The following ARHGAP8 variants were observed in gnomAD, a reference collection of about 807,000 sequenced individuals.
ARHGAP8 encodes Rho GTPase activating protein 8.
Under a neutral mutation model 46.1 loss-of-function variants are expected in ARHGAP8, and 62 were observed. The observed-to-expected ratio is 1.34, with a 90% CI of 1.10 to 1.66. The LOEUF (loss-of-function observed/expected upper bound fraction) is 1.66. ARHGAP8 is among the 40% of genes most tolerant of loss of function. The pLI, the probability that ARHGAP8 is intolerant of heterozygous loss-of-function variation, is 0.00. For synonymous variants in ARHGAP8, 375 were observed against 243.1 expected, an observed-to-expected ratio of 1.54 and a Z score of -5.05; for missense variants, 923 against 568.4, an observed-to-expected ratio of 1.62 and a Z score of -6.34.
chr22:44,755,403 C>T (rs1004422620), intron 1 of ARHGAP8, among the ~76,000 whole-genome samples: 2 of 152,236 alleles, frequency 1.3e-5, no homozygotes, highest in Non-Finnish European at 2.9e-5. Flanking sequence ...AGAAAATAGA[C>T]GTTTTCCATT....
At chr22:44,772,480 G>A (rs1388056123) in intron 1 of ARHGAP8, among the ~76,000 whole-genome samples, 7 of 150,716 alleles carry the variant, frequency 4.6e-5, no homozygotes, top group East Asian at 2.0e-4. Context: ...ATGAGCCACC[G>A]TGCTGGCTGA....
At chr22:44,815,386 G>A (rs1380588562) in intron 5 of ARHGAP8, among the ~76,000 whole-genome samples, 1 of 151,438 alleles carries the variant, frequency 6.6e-6, no homozygotes, top group Non-Finnish European at 1.5e-5. Context: ...CCTGAGATGA[G>A]ACAAATAAAA....
chr22:44,816,206 C>G (rs1034052942), intron 5 of ARHGAP8, among the ~76,000 whole-genome samples: 4 of 152,130 alleles, frequency 2.6e-5, no homozygotes, highest in African/African-American at 9.7e-5. Flanking sequence ...TCTTCTCGTG[C>G]CCCACAGACA....
Position 44,794,037 on chromosome 22 carries a change from CG to C in ARHGAP8, c.79+7432del, listed in dbSNP as rs111677334. ...GGGGCATGCGCAGGGCAGAGGAAGG[CG>C]CGGAGGCTTGGCTGGGAGTCAGCCT... On this transcript the variant is annotated intron_variant, in intron 2 of 11. Coordinates refer to ENST00000356099, the MANE Select transcript of ARHGAP8 (RefSeq NM_181335.3). Among the ~76,000 whole-genome samples the C allele has an allele frequency of 4.9e-4, 74 of 152,284 alleles. 2 individuals are homozygous for C. Among genetic ancestry groups the C allele is most frequent in the African/African-American group, 1.7e-3 (71 of 41,566 alleles).
chr22:44,771,368 TC>T (rs1158799522), intron 1 of ARHGAP8, among the ~76,000 whole-genome samples: 1 of 148,504 alleles, frequency 6.7e-6, no homozygotes, highest in Non-Finnish European at 1.5e-5. Flanking sequence ...TGCCTCAGCC[TC>T]CCAAGTAGCT....
chr22:44,857,972 C>T (rs1200101007), intron 10 of ARHGAP8, among the ~76,000 whole-genome samples: 1 of 152,054 alleles, frequency 6.6e-6, no homozygotes, highest in Non-Finnish European at 1.5e-5. Flanking sequence ...TGCACCAGTA[C>T]CCACTTGGGA....
At chr22:44,813,815 TTACA>T (rs1929543048) in intron 4 of ARHGAP8, among the ~76,000 whole-genome samples, 1 of 151,864 alleles carries the variant, frequency 6.6e-6, no homozygotes, top group South Asian at 2.1e-4. Flanking sequence ...TTACATACAC[TTACA>T]TAGAGCTACA....
At chr22:44,827,408 G>A (rs1426314799) in intron 7 of ARHGAP8, among the ~76,000 whole-genome samples, 2 of 134,918 alleles carry the variant, frequency 1.5e-5, no homozygotes, top group African/African-American at 5.5e-5. Flanking sequence ...GGTGGTGTGA[G>A]CTCAGCTCAC....
rs373044680 is a variant in ARHGAP8 at position 44,794,347 on chromosome 22, G to T, written c.80-7730G>T. On this transcript the variant is annotated intron_variant, in intron 2 of 11. Transcript: ENST00000356099. ...CGCCAGCCCAGCTCAGCCAGGGATT[G>T]GGCAGAGGAAGAGATTCTACCCTGG... is the stretch of plus-strand genomic sequence containing the variant. Among the ~76,000 whole-genome samples the T allele has an allele frequency of 1.1e-4, 16 of 152,300 alleles. No individual in the cohort carries two copies. In the South Asian group the frequency reaches 2.9e-3, roughly 28 times the overall value.
chr22:44,817,431 C>G (rs1011897964), intron 5 of ARHGAP8, among the ~76,000 whole-genome samples: 13 of 152,230 alleles, frequency 8.5e-5, no homozygotes, highest in Admixed American at 3.9e-4. Context: ...TTTAACCAGG[C>G]CCAGCACCCT....
chr22:44,779,755 G>A (rs1926705150), intron 1 of ARHGAP8, among the ~76,000 whole-genome samples: 1 of 151,862 alleles, frequency 6.6e-6, no homozygotes, highest in Admixed American at 6.6e-5. Flanking sequence ...TTTTAGTAGA[G>A]ATGGGGTTTC....
intron 11 of ARHGAP8, 33 bp from the exon 12 acceptor site, chr22:44,862,242 C>A: frequency 6.4e-7 from 1 of 1,557,298 alleles, no homozygotes; most frequent in South Asian, 1.2e-5. Flanking sequence ...CCTTGGTGTT[C>A]ACTCCCCTTT....
intron 10 of ARHGAP8, among the ~76,000 whole-genome samples, chr22:44,855,408 C>T (rs1180317785): frequency 6.6e-6 from 1 of 151,186 alleles, no homozygotes; most frequent in Non-Finnish European, 1.5e-5. Flanking sequence ...CAAGTGATCT[C>T]CCCACCTCAG....
At chr22:44,852,647 A>C (rs1474698889) in intron 10 of ARHGAP8, among the ~76,000 whole-genome samples, 1 of 152,222 alleles carries the variant, frequency 6.6e-6, no homozygotes, top group Non-Finnish European at 1.5e-5. Context: ...CTCCAGGGAA[A>C]GAGTTGTGTC....
chr22:44,860,550 C>T (rs200946878), intron 11 of ARHGAP8, among the ~76,000 whole-genome samples: 2 of 151,624 alleles, frequency 1.3e-5, no homozygotes, highest in East Asian at 1.9e-4. Context: ...TTGAGATCCT[C>T]AACGACAGCT....
At position 44,862,756 on chromosome 22, in the gene ARHGAP8, T is replaced by A; in HGVS notation, c.*161T>A. 1.1e-6 allele frequency: 1 copy of A among 876,956 alleles called. No homozygotes were observed. The highest frequency in any genetic ancestry group is 1.7e-6 in the Non-Finnish European group (1 of 605,484). The allele number at this position is 876,956 out of a possible 1,614,324, so 54.3% of individuals were successfully genotyped here. On this transcript the variant is annotated 3_prime_UTR_variant, in exon 12 of 12. Coordinates refer to ENST00000356099, the MANE Select transcript of ARHGAP8 (RefSeq NM_181335.3). ...CTGGTCCTTGGACTCTTGTCCATGG[T>A]TCCTGAGCTGTGGACCGGGATAGAA...
At chr22:44,856,191 A>T (rs1374960764) in intron 10 of ARHGAP8, among the ~76,000 whole-genome samples, 1 of 150,590 alleles carries the variant, frequency 6.6e-6, no homozygotes, top group Non-Finnish European at 1.5e-5. Flanking sequence ...TGAGGTTTAC[A>T]GGCAACATCA....
At chr22:44,787,616 A>AT (rs144484827) in intron 2 of ARHGAP8, among the ~76,000 whole-genome samples, 1 of 152,148 alleles carries the variant, frequency 6.6e-6, no homozygotes, top group Non-Finnish European at 1.5e-5. Context: ...GAATGCTGGG[A>AT]TTATAGGCGT....
In ARHGAP8 at chr22:44,859,753, C is replaced by T. The variant is rs1177682823; in HGVS notation, c.900C>T (p.Val300=). The T allele has an allele frequency of 1.9e-6, 3 of 1,613,842 alleles. No individual in the cohort carries two copies. Among genetic ancestry groups the T allele is most frequent in the East Asian group, 2.2e-5 (1 of 44,892 alleles). ...CAGGTGTGGAGAGCAGCCTGCGTGTCACTGGCTGCCGCCAGATCTTACGGA... is the reference window on the plus strand; with the variant it reads ...CAGGTGTGGAGAGCAGCCTGCGTGTTACTGGCTGCCGCCAGATCTTACGGA... ...GITCVESSLR[V]TGCRQILRSL... is the part of the protein sequence containing the mutation. Residue 300 remains valine (V), a synonymous_variant, in exon 11 of 12, where the codon GTC becomes GTT. Transcript: ENST00000356099.
Sources: allele counts gnomAD v4.1 joint callset (sites outside exome capture counted in the v4.1 genomes callset), GRCh38; gene constraint gnomAD v4.1.1; transcripts MANE v1.5; gene names NCBI Gene and HGNC (gene_info 2026-07-23, HGNC 2026-07-21).